The following HEMGN variants were observed in gnomAD, a reference collection of about 807,000 sequenced individuals.
The protein encoded by HEMGN is hemogen.
Under a neutral mutation model 45.7 loss-of-function variants are expected in HEMGN, and 32 were observed. The ratio of observed to expected loss-of-function variants is 0.70; its 90% CI spans 0.53 to 0.94. HEMGN has a LOEUF of 0.94. Among genes scored for constraint, HEMGN ranks in the 40% least tolerant of loss-of-function variants. HEMGN has a pLI of 0.00. For synonymous variants in HEMGN, 183 were observed against 178.6 expected (o/e 1.02, Z -0.20); for missense variants, 530 against 564.2 (o/e 0.94, Z 0.61).
chr9:97,934,691 A>G (rs569114333), intron 2 of HEMGN, among the ~76,000 whole-genome samples: 45 of 152,298 alleles, frequency 3.0e-4, no homozygotes, highest in African/African-American at 9.6e-4. Context: ...ATCATCCTCT[A>G]TAAAGTTACA....
At position 97,930,230 on chromosome 9, in the gene HEMGN, A is replaced by G; in HGVS notation, c.1165T>C (p.Ser389Pro). 1 of 1,613,934 alleles carries G rather than the reference A, an allele frequency of 6.2e-7. No individual in the cohort carries two copies. ...TCAGGTGAATATTCTTCAAGCTGGG[A>G]TGTTTCTTGGTATATTTCAGGTGAA... Reference protein sequence around the residue: ...EYSPEIYQETSQLEEYSPEIY... With the variant: ...EYSPEIYQETPQLEEYSPEIY... Residue 389 changes from serine to proline, a missense_variant, in exon 3 of 4, where the codon TCC becomes CCC. Coordinates refer to ENST00000616898, the MANE Select transcript of HEMGN (RefSeq NM_197978.3).
intron 1 of HEMGN, 69 bp from the exon 2 acceptor site, chr9:97,936,333 C>T (rs1211599198): frequency 2.9e-6 from 3 of 1,030,476 alleles, no homozygotes; most frequent in South Asian, 2.6e-5. Flanking sequence ...GTCCTGTAGC[C>T]AAGTGGCAGA....
chr9:97,931,645 C>G (rs1826955855), intron 2 of HEMGN, among the ~76,000 whole-genome samples: 1 of 152,218 alleles, frequency 6.6e-6, no homozygotes, highest in Non-Finnish European at 1.5e-5. Context: ...TGAGTAAACT[C>G]ATACAAATCG....
chr9:97,944,444 A>T (rs948186632), intron 1 of HEMGN, among the ~76,000 whole-genome samples: 5 of 152,128 alleles, frequency 3.3e-5, no homozygotes, highest in South Asian at 2.1e-4. Context: ...CCACATGCTC[A>T]TTCCATCTTT....
chr9:97,932,491 A>G (rs963641546), intron 2 of HEMGN, among the ~76,000 whole-genome samples: 1 of 152,194 alleles, frequency 6.6e-6, no homozygotes, highest in Non-Finnish European at 1.5e-5. Flanking sequence ...GTCTAAAATA[A>G]TATTGAAAAT....
In HEMGN at chr9:97,927,170, C is replaced by CAT. The variant is rs1017469947; in HGVS notation, c.*213_*214insAT. ...CCTCTCCCCGACCTATACATACATA[C>CAT]ACACACACACACACACACACACACA... On this transcript the variant is annotated 3_prime_UTR_variant, in exon 4 of 4. Transcript: ENST00000616898. 36 of 28,708 alleles carry CAT rather than the reference C, an allele frequency of 1.3e-3. 1 individual carries two copies. The highest frequency in any genetic ancestry group is 2.1e-3 in the Non-Finnish European group (32 of 15,262). 1.8% of individuals were successfully genotyped at this position (28,708 alleles called of 1,614,324 possible).
At chr9:97,937,061 C>G (rs527895193) in intron 1 of HEMGN, among the ~76,000 whole-genome samples, 2 of 152,168 alleles carry the variant, frequency 1.3e-5, no homozygotes, top group East Asian at 3.9e-4. Context: ...ATAGAGCATG[C>G]CCCTTGAACC....
chr9:97,942,356 C>T (rs12156487), upstream of HEMGN, among the ~76,000 whole-genome samples: 13,911 of 147,892 alleles, frequency 0.094, 859 homozygotes, highest in Admixed American at 0.13. Flanking sequence ...AATCACAGTT[C>T]ACTGCAGCCT....
chr9:97,942,615 G>A (rs918885857), upstream of HEMGN, among the ~76,000 whole-genome samples: 3 of 152,108 alleles, frequency 2.0e-5, no homozygotes, highest in African/African-American at 4.8e-5. Flanking sequence ...AACAAACTAG[G>A]TATTGAGGGA....
At chr9:97,941,467 C>G (rs1827151912), upstream of HEMGN, among the ~76,000 whole-genome samples, 1 of 152,124 alleles carries the variant, frequency 6.6e-6, no homozygotes, top group Non-Finnish European at 1.5e-5. Flanking sequence ...CTATGTGGGA[C>G]AGGGGCAGAG....
chr9:97,938,447 C>G (rs1253143085), upstream of HEMGN: 2 of 236,642 alleles, frequency 8.5e-6, no homozygotes, highest in African/African-American at 4.5e-5. Context: ...AGTCAGCACT[C>G]TTTTGGTTCT....
upstream of HEMGN, among the ~76,000 whole-genome samples, chr9:97,941,970 T>C (rs932659403): frequency 2.6e-5 from 4 of 152,206 alleles, no homozygotes; most frequent in African/African-American, 9.6e-5. Flanking sequence ...GCCAAGGGCA[T>C]GCAGATGAAA....
intron 1 of HEMGN, among the ~76,000 whole-genome samples, chr9:97,936,617 T>G (rs1018416648): frequency 6.6e-6 from 1 of 152,238 alleles, no homozygotes; most frequent in African/African-American, 2.4e-5. Flanking sequence ...ATTCCTCACT[T>G]CTATCCAGTC....
In HEMGN at chr9:97,930,241, T is replaced by C. The variant is rs1471564117; in HGVS notation, c.1154A>G (p.Tyr385Cys). 1.2e-6 allele frequency: 2 copies of C among 1,614,098 alleles called. No homozygotes were observed. Among genetic ancestry groups the C allele is most frequent in the Non-Finnish European group, 1.7e-6 (2 of 1,180,050 alleles). Reference protein sequence around the residue: ...PGLEEYSPEIYQETSQLEEYS... With the variant: ...PGLEEYSPEICQETSQLEEYS... ...TTCTTCAAGCTGGGATGTTTCTTGG[T>C]ATATTTCAGGTGAATATTCTTCAAG... is the stretch of plus-strand genomic sequence containing the variant. Residue 385 changes from tyrosine (Y) to cysteine (C), a missense_variant, in exon 3 of 4, where the codon TAC becomes TGC. Tyr to Cys is a radical substitution (Grantham distance 194). Coordinates refer to ENST00000616898, the MANE Select transcript of HEMGN (RefSeq NM_197978.3).
chr9:97,936,704 A>G (rs575971407), intron 1 of HEMGN, among the ~76,000 whole-genome samples: 12 of 152,302 alleles, frequency 7.9e-5, no homozygotes, highest in African/African-American at 2.6e-4. Context: ...TATTAGAACT[A>G]TTTTCCATGA....
intron 1 of HEMGN, 76 bp downstream of exon 1, chr9:97,937,982 A>G: frequency 1.4e-6 from 1 of 700,776 alleles, no homozygotes. Context: ...TTTTGGCCAG[A>G]TCCATTGAAA....
intron 3 of HEMGN, among the ~76,000 whole-genome samples, chr9:97,928,907 T>C (rs539047739): frequency 1.3e-5 from 2 of 152,060 alleles, no homozygotes; most frequent in African/African-American, 4.8e-5. Flanking sequence ...TACTGTCTCA[T>C]TTGTTGAAAC....
At chr9:97,939,084 A>G (rs928780278), upstream of HEMGN, among the ~76,000 whole-genome samples, 4 of 152,228 alleles carry the variant, frequency 2.6e-5, no homozygotes, top group African/African-American at 9.6e-5. Flanking sequence ...CTGATACAGG[A>G]AGCCAGTCTG....
rs1292402902 is a variant in HEMGN at position 97,928,171 on chromosome 9, C to T, written c.1361-693G>A. Among the ~76,000 whole-genome samples, 23 of 152,188 alleles carry T rather than the reference C, an allele frequency of 1.5e-4. No individual in the cohort carries two copies. The South Asian group carries it at 3.1e-3, about 21-fold the overall frequency. On this transcript the variant is annotated intron_variant, in intron 3 of 3. Coordinates refer to ENST00000616898, the MANE Select transcript of HEMGN (RefSeq NM_197978.3). ...CCTCCCGAGTAGCTGGGACTACAGG[C>T]GCCCGCCACCGCGCCCGGCTAATTT...
Sources: allele counts gnomAD v4.1 joint callset (sites outside exome capture counted in the v4.1 genomes callset), GRCh38; gene constraint gnomAD v4.1.1; transcripts MANE v1.5; gene names NCBI Gene and HGNC (gene_info 2026-07-23, HGNC 2026-07-21).